The following FSTL5 variants were observed in gnomAD, a reference collection of about 807,000 sequenced individuals.
FSTL5 encodes follistatin like 5, also known as follistatin-related protein 5.
FSTL5 carries 62 observed loss-of-function variants against 89.1 expected under a neutral mutation model. That is an observed-to-expected ratio of 0.70 (90% CI 0.57 to 0.86). The LOEUF is 0.86. Among genes scored for constraint, FSTL5 ranks in the 40% least tolerant of loss-of-function variants. The pLI is 0.00. For synonymous variants in FSTL5, 383 were observed against 346.2 expected (o/e 1.11, Z -1.18); for missense variants, 1,057 against 1,001.6 (o/e 1.06, Z -0.75).
chr4:161,816,853 T>G (rs1730339242), intron 4 of FSTL5, among the ~76,000 whole-genome samples: 1 of 152,164 alleles, frequency 6.6e-6, no homozygotes, highest in African/African-American at 2.4e-5. Context: ...AAGGGAGAAT[T>G]GCTAGCAACA....
intron 7 of FSTL5, among the ~76,000 whole-genome samples, chr4:161,636,036 C>T (rs569321270): frequency 6.7e-5 from 10 of 149,390 alleles, no homozygotes; most frequent in South Asian, 4.2e-4. Flanking sequence ...TACGTAGTTA[C>T]GGAGAAAAGA....
chr4:161,786,573 C>A (rs1384491173), intron 4 of FSTL5, among the ~76,000 whole-genome samples: 1 of 152,038 alleles, frequency 6.6e-6, no homozygotes. Context: ...GTCCCCAAAC[C>A]GACCAAATAA....
chr4:162,065,355 A>G (rs915611511), intron 2 of FSTL5, among the ~76,000 whole-genome samples: 6 of 151,942 alleles, frequency 3.9e-5, no homozygotes, highest in African/African-American at 1.4e-4. Context: ...ACTCAATAGC[A>G]AAAAAGAACC....
intron 2 of FSTL5, among the ~76,000 whole-genome samples, chr4:162,058,481 C>T (rs946124643): frequency 3.0e-5 from 4 of 135,556 alleles, no homozygotes; most frequent in Non-Finnish European, 4.6e-5. Flanking sequence ...GGCTAGAGTG[C>T]AGAGGCATGA....
intron 3 of FSTL5, among the ~76,000 whole-genome samples, chr4:161,997,406 C>A (rs1449518848): frequency 6.6e-6 from 1 of 152,094 alleles, no homozygotes; most frequent in Non-Finnish European, 1.5e-5. Flanking sequence ...CCTTAAAGAA[C>A]CTAGGTAATT....
At chr4:161,894,397 C>G (rs1274956153) in intron 4 of FSTL5, among the ~76,000 whole-genome samples, 1 of 152,116 alleles carries the variant, frequency 6.6e-6, no homozygotes, top group Non-Finnish European at 1.5e-5. Context: ...AAGCTAAGAG[C>G]AAAACAAACA....
At chr4:161,952,775 T>A (rs1734933396) in intron 3 of FSTL5, among the ~76,000 whole-genome samples, 2 of 151,912 alleles carry the variant, frequency 1.3e-5, no homozygotes, top group South Asian at 4.1e-4. Context: ...TTAATTTCTA[T>A]CTGGCCAGGT....
intron 3 of FSTL5, chr4:162,032,801 A>C (rs1737587979): frequency 6.6e-6 from 1 of 152,142 alleles, no homozygotes; most frequent in Admixed American, 6.6e-5. Context: ...TTTGTAGAAC[A>C]CTGAAAAAGG....
At chr4:161,823,689 G>T (rs956753867) in intron 4 of FSTL5, among the ~76,000 whole-genome samples, 1 of 152,174 alleles carries the variant, frequency 6.6e-6, no homozygotes, top group African/African-American at 2.4e-5. Flanking sequence ...TAGGGGCAGG[G>T]CTACCACAGG....
chr4:161,397,238 A>ATG (rs1216575665), intron 15 of FSTL5, among the ~76,000 whole-genome samples: 18 of 152,098 alleles, frequency 1.2e-4, no homozygotes, highest in African/African-American at 2.9e-4. Flanking sequence ...GTCCTTGTAT[A>ATG]TGTATATATA....
intron 1 of FSTL5, among the ~76,000 whole-genome samples, chr4:162,117,899 C>T (rs11932982): frequency 0.058 from 8,795 of 152,126 alleles, 429 homozygotes; most frequent in East Asian, 0.27. Flanking sequence ...AGTAGGTACA[C>T]ATTAAGTGAT....
rs942675586 is a variant in FSTL5 at position 161,600,571 on chromosome 4, T to G, written c.895-12996A>C. Among the ~76,000 whole-genome samples the G allele has an allele frequency of 2.0e-5, 3 of 152,282 alleles. No individual in the cohort carries two copies. The East Asian group carries it at 5.8e-4, about 29-fold the overall frequency. On this transcript the variant is annotated intron_variant, in intron 7 of 15. Transcript: ENST00000306100. ...ATCTCAAAGTAAATAGCTTCCCCTATGTATATGCAGAATATCCCAGTTTCT... is the reference window on the plus strand; with the variant it reads ...ATCTCAAAGTAAATAGCTTCCCCTAGGTATATGCAGAATATCCCAGTTTCT...
chr4:161,632,739 T>C (rs1735544004), intron 7 of FSTL5, among the ~76,000 whole-genome samples: 1 of 152,216 alleles, frequency 6.6e-6, no homozygotes, highest in South Asian at 2.1e-4. Context: ...GTATTGGAGT[T>C]ATATACACTA....
intron 6 of FSTL5, among the ~76,000 whole-genome samples, chr4:161,704,555 G>C (rs542294590): frequency 6.6e-6 from 1 of 152,062 alleles, no homozygotes; most frequent in African/African-American, 2.4e-5. Context: ...TCACAAACAA[G>C]GGACCACCTT....
chr4:161,735,822 C>T lies in FSTL5; in HGVS notation c.727+23589G>A, dbSNP rs1739791245. Among the ~76,000 whole-genome samples the T allele has an allele frequency of 2.0e-5, 3 of 152,062 alleles. No homozygotes were observed. The South Asian group carries it at 6.2e-4, about 32-fold the overall frequency. ...ATATTTTGTAATGAAGTGAGATTTA[C>T]ATGGTAATATATGTTGATTCTTATA... On this transcript the variant is annotated intron_variant, in intron 6 of 15. Coordinates refer to ENST00000306100, the MANE Select transcript of FSTL5 (RefSeq NM_020116.5).
At chr4:161,481,418 C>A (rs1465588320) in intron 12 of FSTL5, among the ~76,000 whole-genome samples, 1 of 151,648 alleles carries the variant, frequency 6.6e-6, no homozygotes, top group Non-Finnish European at 1.5e-5. Flanking sequence ...AAATGTAGTT[C>A]TTTCATTTTT....
chr4:161,671,707 T>G (rs951128009), intron 6 of FSTL5, among the ~76,000 whole-genome samples: 4 of 152,128 alleles, frequency 2.6e-5, no homozygotes, highest in Admixed American at 1.3e-4. Context: ...TCTTTGAGCC[T>G]TCTGCAAATA....
chr4:161,437,565 C>CAAAAAAAAA lies in FSTL5; in HGVS notation c.1841+17430_1841+17438dup, dbSNP rs56229701. 6.6e-3 allele frequency among the ~76,000 whole-genome samples: 453 copies of CAAAAAAAAA among 68,394 alleles called. 57 individuals are homozygous for CAAAAAAAAA. The highest frequency in any genetic ancestry group is 0.021 in the African/African-American group (255 of 12,004). 44.9% of individuals were successfully genotyped at this position (68,394 alleles called of 152,430 possible). ...CTGGTGACAGAGTGAGACTCCGTCT[C>CAAAAAAAAA]AAAAAAAAAAAAAAAAACGAGGTCA... On this transcript the variant is annotated intron_variant, in intron 15 of 15. Transcript: ENST00000306100.
intron 4 of FSTL5, among the ~76,000 whole-genome samples, chr4:161,877,004 G>A (rs1732464589): frequency 1.3e-5 from 2 of 151,842 alleles, no homozygotes; most frequent in Non-Finnish European, 2.9e-5. Context: ...AACCAACATG[G>A]AGAAACCCCA....
Sources: gnomAD v4.1 joint callset for allele counts (sites outside exome capture counted in the v4.1 genomes callset) on GRCh38, gnomAD v4.1.1 for gene constraint, MANE v1.5 for transcripts, NCBI Gene and HGNC (gene_info 2026-07-23, HGNC 2026-07-21) for gene names.